Variants in DDX17 observed in about 807,000 individuals in gnomAD.
DDX17 encodes the protein probable ATP-dependent RNA helicase DDX17.
DDX17 carries 10 observed loss-of-function variants against 80.8 expected under a neutral mutation model. The observed-to-expected ratio is 0.12, with a 90% CI of 0.08 to 0.21. The LOEUF (loss-of-function observed/expected upper bound fraction) is 0.21, where lower values mean the gene tolerates loss of function less well. DDX17 is among the 10% of genes least tolerant of loss of function. The pLI is 1.00. For synonymous variants in DDX17, 339 were observed against 336.2 expected (o/e 1.01, Z -0.09); for missense variants, 586 against 957.4 (o/e 0.61, Z 5.12).
intron 2 of DDX17, among the ~76,000 whole-genome samples, chr22:38,500,647 C>A (rs60209491): frequency 2.0e-5 from 3 of 150,994 alleles, no homozygotes; most frequent in Non-Finnish European, 2.9e-5. Flanking sequence ...GAAACTCCAT[C>A]TCTGCTAAAA....
intron 5 of DDX17, among the ~76,000 whole-genome samples, chr22:38,497,245 G>A (rs1228406995): frequency 2.3e-5 from 3 of 129,440 alleles, no homozygotes; most frequent in Admixed American, 9.7e-5. Context: ...GCAATGAGCC[G>A]AGATTGTGCC....
Position 38,489,165 on chromosome 22 carries a change from T to C in DDX17, c.1448-1050A>G. ...TACAAAGAATATTCAGAAAATATCC[T>C]AGATAAAACACAGATTTTTGTGATA... On this transcript the variant is annotated intron_variant, in intron 11 of 12. Coordinates refer to ENST00000403230, the MANE Select transcript of DDX17 (RefSeq NM_006386.5). The surrounding 1 kb of genome is among the most constrained non-coding windows in gnomAD (Gnocchi z 4.6). The C allele has an allele frequency of 1.0e-6, 1 of 985,130 alleles. No individual in the cohort carries two copies. The highest frequency in any genetic ancestry group is 1.2e-6 in the Non-Finnish European group (1 of 829,474). 61.0% of individuals were successfully genotyped at this position (985,130 alleles called of 1,614,324 possible). A position where few individuals can be genotyped will look rare whatever the true frequency, so the allele number is the denominator to read the frequency against.
intron 4 of DDX17, 53 bp from the exon 5 acceptor site, chr22:38,498,203 T>TA: frequency 6.4e-7 from 1 of 1,565,228 alleles, no homozygotes; most frequent in Non-Finnish European, 8.8e-7. Context: ...CAATCTTACT[T>TA]AGATACTTAG....
chr22:38,491,829 C>T, intron 11 of DDX17: 2 of 419,468 alleles, frequency 4.8e-6, no homozygotes, highest in Non-Finnish European at 8.0e-6. Context: ...TTGTTAGGAG[C>T]AGGAAGAGAC....
Position 38,484,057 on chromosome 22 carries a change from T to C in DDX17, c.*1878A>G, listed in dbSNP as rs2089629239. 1.3e-5 allele frequency: 2 copies of C among 152,148 alleles called. No individual in the cohort carries two copies. Among genetic ancestry groups the C allele is most frequent in the Admixed American group, 6.6e-5 (1 of 15,194 alleles). The allele number at this position is 152,148 out of a possible 1,614,324, so 9.4% of individuals were successfully genotyped here. On this transcript the variant is annotated 3_prime_UTR_variant, in exon 13 of 13. Coordinates refer to ENST00000403230, the MANE Select transcript of DDX17 (RefSeq NM_006386.5). ...GAGAGTAGGGCATCCCTTGTGGTGG[T>C]ACCTCTATGTTTAAAGAAAGAAGAA...
chr22:38,490,218 G>A (rs2089699591), intron 11 of DDX17: 4 of 1,212,130 alleles, frequency 3.3e-6, no homozygotes, highest in Admixed American at 6.8e-5. Flanking sequence ...TGCCTTTCTA[G>A]AAGATGCTGT....
At chr22:38,497,972 C>T (rs2089787612) in intron 5 of DDX17, 113 bp downstream of exon 5, 2 of 935,922 alleles carry the variant, frequency 2.1e-6, no homozygotes, top group Non-Finnish European at 1.6e-6. Flanking sequence ...AAACCATTTC[C>T]ACCTATGGAG....
intron 1 of DDX17, 133 bp from the exon 2 acceptor site, chr22:38,501,413 T>C: frequency 2.7e-6 from 3 of 1,113,134 alleles, no homozygotes; most frequent in Non-Finnish European, 3.7e-6. Context: ...TTTTATTTGC[T>C]GTGATTTAAA....
chr22:38,490,501 A>C (rs1001616989), intron 11 of DDX17: 5 of 1,240,686 alleles, frequency 4.0e-6, no homozygotes, highest in Non-Finnish European at 5.3e-6. Context: ...TTCAAACAAA[A>C]AAAAGGAAAA....
intron 5 of DDX17, among the ~76,000 whole-genome samples, chr22:38,497,822 A>T (rs1408427931): frequency 6.6e-6 from 1 of 151,880 alleles, no homozygotes; most frequent in African/African-American, 2.4e-5. Context: ...ACCAGAAAAC[A>T]CTTGATTTAC....
In DDX17 at chr22:38,490,061, A is replaced by T. The variant is rs574318066; in HGVS notation, c.1448-1946T>A. On this transcript the variant is annotated intron_variant, in intron 11 of 12. Coordinates refer to ENST00000403230, the MANE Select transcript of DDX17 (RefSeq NM_006386.5). ...GAAGGGGGTGCTCAATAGAGGGCAG[A>T]CATGATGCAAGTTCTTCATACTAGA... 14 of 1,070,296 alleles carry T rather than the reference A, an allele frequency of 1.3e-5. No homozygotes were observed. In the South Asian group the frequency reaches 3.5e-4, roughly 27 times the overall value. The allele number at this position is 1,070,296 out of a possible 1,614,324, so 66.3% of individuals were successfully genotyped here. A position where few individuals can be genotyped will look rare whatever the true frequency, so the allele number is the denominator to read the frequency against.
rs1279255715 is a variant in DDX17, at chr22:38,498,160, G to A, written c.673-10C>T. 4 of 1,613,510 alleles carry A rather than the reference G, an allele frequency of 2.5e-6. No homozygotes were observed. Among genetic ancestry groups the A allele is most frequent in the Non-Finnish European group, 3.4e-6 (4 of 1,179,768 alleles). On this transcript the variant is annotated splice_polypyrimidine_tract_variant and intron_variant, in intron 4 of 12. Transcript: ENST00000403230. ...TTGCAGGCAGGAGATACTGTGGAGG[G>A]GGGAAAGAATGACAACCTTACGCTT... is the stretch of plus-strand genomic sequence containing the variant.
chr22:38,498,936 C>A (rs2089798132), intron 3 of DDX17, among the ~76,000 whole-genome samples: 3 of 152,242 alleles, frequency 2.0e-5, no homozygotes, highest in Non-Finnish European at 1.5e-5. Context: ...CGCATGAACC[C>A]AGGAGGCAGA....
At chr22:38,495,314 C>T (rs1269460213) in intron 6 of DDX17, among the ~76,000 whole-genome samples, 4 of 146,744 alleles carry the variant, frequency 2.7e-5, no homozygotes, top group Non-Finnish European at 4.5e-5. Flanking sequence ...GGCACGATCT[C>T]GGCTCACTGC....
At position 38,501,077 on chromosome 22, in the gene DDX17, A is replaced by T. The variant is rs111473746; in HGVS notation, c.438+53T>A. On this transcript the variant is annotated intron_variant, in intron 2 of 12. Coordinates refer to ENST00000403230, the MANE Select transcript of DDX17 (RefSeq NM_006386.5). ...GTAGCGTATGAATAAACTCTAACCA[A>T]TATATCTACTTGGTTCAATAATCTG... 1.1e-5 allele frequency: 17 copies of T among 1,579,964 alleles called. 1 individual carries two copies. Among genetic ancestry groups the T allele is most frequent in the African/African-American group, 9.6e-5 (7 of 72,986 alleles).
At position 38,494,821 on chromosome 22, in the gene DDX17, C is replaced by G; in HGVS notation, c.1042-19G>C. ...TATCAGGCTATCAAAAAAGGAAAGG[C>G]TTTCTTTCAGGCTAAGGAACTTGGA... is the stretch of plus-strand genomic sequence containing the variant. On this transcript the variant is annotated intron_variant, in intron 7 of 12. Transcript: ENST00000403230. 6.2e-7 allele frequency: 1 copy of G among 1,614,002 alleles called. No individual in the cohort carries two copies. The highest frequency in any genetic ancestry group is 1.1e-5 in the South Asian group (1 of 91,070).
At chr22:38,496,329 A>G (rs2089766621) in intron 5 of DDX17, among the ~76,000 whole-genome samples, 1 of 152,186 alleles carries the variant, frequency 6.6e-6, no homozygotes, top group South Asian at 2.1e-4. Context: ...TTTGAGGATC[A>G]TATTGGTCCT....
chr22:38,499,634 T>G, intron 2 of DDX17, 135 bp from the exon 3 acceptor site: 1 of 675,316 alleles, frequency 1.5e-6, no homozygotes, highest in Non-Finnish European at 2.6e-6. Flanking sequence ...GGTACTTTCA[T>G]GTGTATCACT....
chr22:38,485,810 GAA>G lies in DDX17; in HGVS notation c.*123_*124del, dbSNP rs1302102485. On this transcript the variant is annotated 3_prime_UTR_variant, in exon 13 of 13. Transcript: ENST00000403230. ...AAAGACAAATCACGATGGTTGGGGG[GAA>G]AAATTAAAAAAAAAAAAAGAAAAAA... 167 of 1,190,388 alleles carry G rather than the reference GAA, an allele frequency of 1.4e-4. No individual in the cohort carries two copies. The highest frequency in any genetic ancestry group is 1.3e-4 in the Non-Finnish European group (119 of 947,452). The allele number at this position is 1,190,388 out of a possible 1,614,324, so 73.7% of individuals were successfully genotyped here.
Sources: gnomAD v4.1 joint callset for allele counts (sites outside exome capture counted in the v4.1 genomes callset) on GRCh38, gnomAD v4.1.1 for gene constraint, Gnocchi (gnomAD v3.1) non-coding constraint, MANE v1.5 for transcripts, NCBI Gene and HGNC (gene_info 2026-07-23, HGNC 2026-07-21) for gene names.